Variants in RIMS2 observed in about 807,000 individuals in gnomAD.
The protein encoded by RIMS2 is regulating synaptic membrane exocytosis protein 2.
A neutral mutation model predicts 174.4 loss-of-function variants in RIMS2; 59 were observed. The ratio of observed to expected loss-of-function variants is 0.34; its 90% confidence interval spans 0.27 to 0.42. The LOEUF is 0.42. RIMS2 is among the 10% of genes least tolerant of loss of function. RIMS2 has a pLI of 1.00. For synonymous variants in RIMS2, 606 were observed against 572.5 expected (o/e 1.06, Z -0.84); for missense variants, 1,620 against 1,666.3 (o/e 0.97, Z 0.48).
intron 1 of RIMS2, among the ~76,000 whole-genome samples, chr8:103,599,446 T>A (rs115062406): frequency 0.1 from 15,422 of 148,012 alleles, 889 homozygotes; most frequent in Non-Finnish European, 0.13. Flanking sequence ...ATATATATAT[T>A]TTTTTTCTTT....
At chr8:104,097,677 T>C (rs2130759182) in intron 19 of RIMS2, among the ~76,000 whole-genome samples, 1 of 151,802 alleles carries the variant, frequency 6.6e-6, no homozygotes, top group African/African-American at 2.4e-5. Context: ...GATTTAAAGG[T>C]TACTGTGCAT....
chr8:104,139,018 A>G (rs1372789432), intron 19 of RIMS2, among the ~76,000 whole-genome samples: 1 of 152,126 alleles, frequency 6.6e-6, no homozygotes, highest in Non-Finnish European at 1.5e-5. Flanking sequence ...TTTATTGAAG[A>G]GACTGTTCTA....
At chr8:103,962,823 T>A (rs922505903) in intron 15 of RIMS2, among the ~76,000 whole-genome samples, 8 of 152,144 alleles carry the variant, frequency 5.3e-5, no homozygotes, top group African/African-American at 1.7e-4. Context: ...GCACGATACC[T>A]ATTGAGTGTA....
intron 1 of RIMS2, among the ~76,000 whole-genome samples, chr8:103,507,237 C>A (rs1462856486): frequency 2.6e-5 from 4 of 152,060 alleles, no homozygotes. Context: ...TCTGACCACT[C>A]TTTCTTATGT....
chr8:103,514,889 C>G (rs1202344271), intron 1 of RIMS2, among the ~76,000 whole-genome samples: 3 of 151,348 alleles, frequency 2.0e-5, no homozygotes, highest in Non-Finnish European at 4.4e-5. Context: ...CAGGGCAAGA[C>G]TCTGTCTCAA....
At chr8:104,108,547 C>T (rs960751630) in intron 19 of RIMS2, among the ~76,000 whole-genome samples, 1 of 152,046 alleles carries the variant, frequency 6.6e-6, no homozygotes, top group Admixed American at 6.6e-5. Context: ...GATCCTTCCA[C>T]CTTGGCCCCC....
chr8:103,924,237 A>G (rs979480386), intron 10 of RIMS2, among the ~76,000 whole-genome samples: 1 of 151,704 alleles, frequency 6.6e-6, no homozygotes, highest in Non-Finnish European at 1.5e-5. Flanking sequence ...ATTTTACCTA[A>G]TTAAACTCCA....
intron 10 of RIMS2, chr8:103,922,648 G>T: frequency 2.5e-6 from 1 of 398,130 alleles, no homozygotes; most frequent in Non-Finnish European, 5.0e-6. Context: ...AAAAGTTACA[G>T]TTAAAAACTA....
chr8:103,685,544 T>A (rs937230186), intron 1 of RIMS2, among the ~76,000 whole-genome samples: 1 of 152,276 alleles, frequency 6.6e-6, no homozygotes, highest in South Asian at 2.1e-4. Flanking sequence ...CCAAATGATA[T>A]CACTAGTTTT....
Position 103,586,243 on chromosome 8 carries a change from A to G in RIMS2, c.176+85181A>G, listed in dbSNP as rs144449201. Among the ~76,000 whole-genome samples the G allele has an allele frequency of 1.6e-4, 25 of 152,346 alleles. No individual in the cohort carries two copies. In the East Asian group the frequency reaches 4.6e-3, roughly 28 times the overall value. ...AGACTTAATATTCACTATAGATCAA[A>G]TGGATCTAATATTTATTTACAGAGC... On this transcript the variant is annotated intron_variant, in intron 1 of 23. Coordinates refer to ENST00000504942, the Ensembl canonical transcript of RIMS2.
intron 2 of RIMS2, among the ~76,000 whole-genome samples, chr8:103,715,664 T>A (rs999286542): frequency 2.6e-5 from 4 of 152,154 alleles, no homozygotes; most frequent in African/African-American, 9.7e-5. Flanking sequence ...GACCAAAATA[T>A]GTATTTTCTC....
At chr8:103,503,901 A>C (rs1246562815) in intron 1 of RIMS2, among the ~76,000 whole-genome samples, 2 of 152,076 alleles carry the variant, frequency 1.3e-5, no homozygotes, top group East Asian at 3.8e-4. Context: ...GTTATCTCTC[A>C]CCTTAGGAGC....
intron 1 of RIMS2, among the ~76,000 whole-genome samples, chr8:103,599,197 G>A (rs568610380): frequency 1.3e-5 from 2 of 151,716 alleles, no homozygotes; most frequent in African/African-American, 4.8e-5. Flanking sequence ...CCTTTCATCT[G>A]TATTTGGATT....
At chr8:104,003,995 A>T (rs2095483236) in intron 17 of RIMS2, among the ~76,000 whole-genome samples, 1 of 152,194 alleles carries the variant, frequency 6.6e-6, no homozygotes, top group Non-Finnish European at 1.5e-5. Flanking sequence ...GTGCAGAGTC[A>T]TGAAAAATTC....
At chr8:104,223,596 C>G (rs1027863631) in intron 19 of RIMS2, 1 of 1,510,452 alleles carries the variant, frequency 6.6e-7, no homozygotes, top group African/African-American at 1.4e-5. Flanking sequence ...CGCTGCGCCC[C>G]AGCCGCCAAG....
At chr8:103,998,311 A>T in intron 17 of RIMS2, 1 of 1,105,126 alleles carries the variant, frequency 9.0e-7, no homozygotes, top group East Asian at 2.4e-5. Context: ...TATTGATATG[A>T]TATAGTTCAC....
chr8:103,583,382 G>A (rs1217069930), intron 1 of RIMS2, among the ~76,000 whole-genome samples: 1 of 152,172 alleles, frequency 6.6e-6, no homozygotes, highest in Non-Finnish European at 1.5e-5. Context: ...CCTAGACACT[G>A]AAGAAGATCT....
chr8:103,718,720 T>G lies in RIMS2; in HGVS notation c.387+21424T>G, dbSNP rs970874891. On this transcript the variant is annotated intron_variant, in intron 2 of 23. Coordinates refer to ENST00000504942, the Ensembl canonical transcript of RIMS2. ...ACTCACTCTGTTGCCCAGGCTGGAG[T>G]GCTGTGGTGTGATCTCAGCTCACTG... Among the ~76,000 whole-genome samples, 8 of 150,998 alleles carry G rather than the reference T, an allele frequency of 5.3e-5. 1 individual carries two copies. The highest frequency in any genetic ancestry group is 3.2e-3 in the Middle Eastern group (1 of 316).
At chr8:104,170,479 C>G (rs2098825730) in intron 19 of RIMS2, among the ~76,000 whole-genome samples, 2 of 151,944 alleles carry the variant, frequency 1.3e-5, no homozygotes, top group African/African-American at 4.8e-5. Flanking sequence ...ATAGCTACAC[C>G]TGCTCACTTT....
Sources: allele counts gnomAD v4.1 joint callset (sites outside exome capture counted in the v4.1 genomes callset), GRCh38; gene constraint gnomAD v4.1.1; transcripts MANE v1.5; gene names NCBI Gene and HGNC (gene_info 2026-07-23, HGNC 2026-07-21).